ADGRV1: variants seen among roughly 807,000 people sequenced by gnomAD.
ADGRV1 encodes the protein G-protein coupled receptor 98.
ADGRV1 carries 359 observed loss-of-function variants against 596.2 expected under a neutral mutation model. That is an observed-to-expected ratio of 0.60 (90% confidence interval 0.55 to 0.66). The LOEUF (loss-of-function observed/expected upper bound fraction) is 0.66, where lower values mean the gene tolerates loss of function less well. Among genes scored for constraint, ADGRV1 ranks in the 30% least tolerant of loss-of-function variants. ADGRV1 has a pLI of 0.00. For missense variants in ADGRV1, 7,274 were observed against 7,575.6 expected, an observed-to-expected ratio of 0.96 and a Z score of 1.48; for synonymous variants, 2,681 against 2,679.2, an observed-to-expected ratio of 1.00 and a Z score of -0.02.
At chr5:90,932,615 T>G (rs1463353806) in intron 83 of ADGRV1, among the ~76,000 whole-genome samples, 1 of 152,208 alleles carries the variant, frequency 6.6e-6, no homozygotes, top group African/African-American at 2.4e-5. Flanking sequence ...AATAGTAATA[T>G]TCTCCCTGAT....
At chr5:90,695,702 A>G (rs929000069) in intron 33 of ADGRV1, among the ~76,000 whole-genome samples, 1 of 152,026 alleles carries the variant, frequency 6.6e-6, no homozygotes, top group Non-Finnish European at 1.5e-5. Flanking sequence ...AATAATCATT[A>G]TGTTTTAGAG....
At chr5:90,818,758 A>G (rs1261896208) in intron 75 of ADGRV1, among the ~76,000 whole-genome samples, 1 of 151,558 alleles carries the variant, frequency 6.6e-6, no homozygotes, top group Non-Finnish European at 1.5e-5. Flanking sequence ...CATCCCAGGG[A>G]TGAAGCCCAC....
intron 50 of ADGRV1, among the ~76,000 whole-genome samples, chr5:90,734,581 ATTTTTTTT>A (rs3045850): frequency 1.4e-4 from 14 of 101,112 alleles, no homozygotes; most frequent in Admixed American, 2.3e-4. Flanking sequence ...TCTTTAGCCT[ATTTTTTTT>A]TTTTTTTTTT....
chr5:90,597,550 G>A (rs1051352802), intron 1 of ADGRV1, among the ~76,000 whole-genome samples: 1 of 152,186 alleles, frequency 6.6e-6, no homozygotes. Context: ...TGCACTGGGA[G>A]ACTTTTACAG....
intron 1 of ADGRV1, among the ~76,000 whole-genome samples, chr5:90,577,621 A>C (rs1167782090): frequency 6.6e-6 from 1 of 152,134 alleles, no homozygotes; most frequent in Non-Finnish European, 1.5e-5. Flanking sequence ...GTTCCATATG[A>C]AGTTTAAAGT....
intron 85 of ADGRV1, among the ~76,000 whole-genome samples, chr5:91,071,656 TTTTA>T (rs1788399159): frequency 2.0e-5 from 3 of 152,190 alleles, no homozygotes; most frequent in African/African-American, 7.2e-5. Context: ...ATAATCCTTA[TTTTA>T]TTTATTTATT....
At chr5:91,066,374 G>A (rs562245879) in intron 85 of ADGRV1, among the ~76,000 whole-genome samples, 55 of 152,198 alleles carry the variant, frequency 3.6e-4, no homozygotes, top group Non-Finnish European at 6.9e-4. Context: ...TAATTTGGGT[G>A]GACTGGAGGA....
At chr5:91,012,242 A>G (rs1016519503) in intron 85 of ADGRV1, among the ~76,000 whole-genome samples, 4 of 151,934 alleles carry the variant, frequency 2.6e-5, no homozygotes, top group African/African-American at 9.7e-5. Flanking sequence ...GATACCTTTC[A>G]GCTTGGTCTA....
intron 86 of ADGRV1, among the ~76,000 whole-genome samples, chr5:91,099,501 T>C (rs561224154): frequency 1.9e-4 from 29 of 152,282 alleles, no homozygotes; most frequent in Admixed American, 7.8e-4. Flanking sequence ...CCAGCTGGAA[T>C]TGTGGGACAC....
intron 1 of ADGRV1, among the ~76,000 whole-genome samples, chr5:90,587,616 G>GTGCAA (rs1758940708): frequency 2.0e-5 from 3 of 147,608 alleles, no homozygotes; most frequent in African/African-American, 7.5e-5. Flanking sequence ...GAGTGCAGTG[G>GTGCAA]TGCAATCTTC....
At chr5:91,140,500 A>T (rs7731268) in intron 87 of ADGRV1, among the ~76,000 whole-genome samples, 3,120 of 152,228 alleles carry the variant, frequency 0.02, 112 homozygotes, top group African/African-American at 0.07. Flanking sequence ...GTAATTTTTT[A>T]AAAAAATTCC....
chr5:90,628,575 A>G lies in ADGRV1; in HGVS notation c.1252A>G (p.Thr418Ala), dbSNP rs749595916. The G allele has an allele frequency of 6.2e-7, 1 of 1,613,506 alleles. No individual in the cohort carries two copies. The highest frequency in any genetic ancestry group is 8.5e-7 in the Non-Finnish European group (1 of 1,179,540). The part of the protein sequence containing the change: ...EDRISRYEEI[T>A]VVRNGGTHGN... The stretch of plus-strand genomic sequence containing the variant: ...AAAACATTTAAGATATGAAGAAATC[A>G]CAGTGGTTAGAAATGGAGGAACCCA... The change falls in exon 8 of 90, where the codon ACA becomes GCA. Residue 418 changes from threonine (T) to alanine (A), a missense_variant. Transcript: ENST00000405460.
intron 85 of ADGRV1, among the ~76,000 whole-genome samples, chr5:91,066,544 G>C (rs1188528296): frequency 6.6e-6 from 1 of 152,138 alleles, no homozygotes; most frequent in African/African-American, 2.4e-5. Context: ...AGCTTTAAAA[G>C]AAGAGTTAAA....
At chr5:91,078,709 G>C (rs1377893058) in intron 86 of ADGRV1, among the ~76,000 whole-genome samples, 1 of 152,196 alleles carries the variant, frequency 6.6e-6, no homozygotes, top group Non-Finnish European at 1.5e-5. Context: ...CTCCAGTTGT[G>C]TCAGGCAAAC....
At chr5:90,745,021 G>A (rs1306202223) in intron 50 of ADGRV1, 25 bp from the exon 51 acceptor site, 2 of 1,560,366 alleles carry the variant, frequency 1.3e-6, no homozygotes, top group Non-Finnish European at 1.8e-6. Flanking sequence ...TCTCACTCAA[G>A]TTGTTTTTTC....
intron 50 of ADGRV1, among the ~76,000 whole-genome samples, chr5:90,744,379 C>G (rs1754367705): frequency 6.6e-6 from 1 of 151,962 alleles, no homozygotes; most frequent in African/African-American, 2.4e-5. Context: ...ATCCTTTGGC[C>G]TAATTAATTA....
chr5:91,040,643 T>C (rs1785262454), intron 85 of ADGRV1, among the ~76,000 whole-genome samples: 1 of 152,214 alleles, frequency 6.6e-6, no homozygotes, highest in African/African-American at 2.4e-5. Context: ...CTGCTGTGTT[T>C]TCAGTGAATA....
intron 1 of ADGRV1, among the ~76,000 whole-genome samples, chr5:90,599,866 G>A (rs922407603): frequency 1.3e-5 from 2 of 152,216 alleles, no homozygotes; most frequent in Non-Finnish European, 2.9e-5. Flanking sequence ...ATGGAGGATT[G>A]TAGAAGTTGG....
rs189554538 is a variant in ADGRV1 at position 91,147,077 on chromosome 5, G to A, written c.18433-2953G>A. On this transcript the variant is annotated intron_variant, in intron 87 of 89. Coordinates refer to ENST00000405460, the MANE Select transcript of ADGRV1 (RefSeq NM_032119.4). The stretch of plus-strand genomic sequence containing the variant: ...AGCTACTGAGCAGGCTAAGGTGGGA[G>A]TATCGCTTGAGCCTGGGAGGCAGGT... Among the ~76,000 whole-genome samples, 2 of 150,980 alleles carry A rather than the reference G, an allele frequency of 1.3e-5. 1 individual carries two copies. The highest frequency in any genetic ancestry group is 3.9e-4 in the East Asian group (2 of 5,064).
Sources: gnomAD v4.1 joint callset for allele counts (sites outside exome capture counted in the v4.1 genomes callset) on GRCh38, gnomAD v4.1.1 for gene constraint, MANE v1.5 for transcripts, NCBI Gene and HGNC (gene_info 2026-07-23, HGNC 2026-07-21) for gene names.